Variants in CD300A observed in about 807,000 individuals in gnomAD.
CD300A encodes CMRF35-like molecule 8.
In CD300A, 22 loss-of-function variants were observed where a neutral mutation model predicts 33.6. That is an observed-to-expected ratio of 0.66 (90% CI 0.47 to 0.94). The LOEUF is 0.94. CD300A is among the 40% of genes least tolerant of loss of function. The probability of loss-of-function intolerance (pLI) is 0.00; values close to 1 mark genes in which losing one functional copy is unlikely to be tolerated. For missense variants in CD300A, 326 were observed against 360.5 expected (o/e 0.90, Z 0.77); for synonymous variants, 136 against 148.1 (o/e 0.92, Z 0.59).
chr17:74,475,698 A>G (rs1420872695), intron 3 of CD300A, among the ~76,000 whole-genome samples: 1 of 152,112 alleles, frequency 6.6e-6, no homozygotes, highest in Non-Finnish European at 1.5e-5. Context: ...CAGACCCCAC[A>G]GGTGAAGAGC....
At chr17:74,470,195 G>A (rs898040535) in intron 1 of CD300A, 21 of 985,276 alleles carry the variant, frequency 2.1e-5, no homozygotes, top group East Asian at 2.3e-4. Flanking sequence ...GAGAGAAAGC[G>A]CAGAAACACA....
At chr17:74,479,216 T>C (rs1282635848) in intron 4 of CD300A, among the ~76,000 whole-genome samples, 1 of 152,068 alleles carries the variant, frequency 6.6e-6, no homozygotes, top group Non-Finnish European at 1.5e-5. Context: ...TCTATGCCTA[T>C]GTAAATGCAT....
intron 5 of CD300A, 179 bp downstream of exon 5, chr17:74,481,505 C>T: frequency 1.5e-6 from 1 of 665,314 alleles, no homozygotes; most frequent in Non-Finnish European, 2.6e-6. Flanking sequence ...CCTGGCCAGC[C>T]TGTCCCCTCC....
intron 4 of CD300A, among the ~76,000 whole-genome samples, chr17:74,478,204 C>G (rs1290836604): frequency 2.0e-5 from 3 of 152,232 alleles, no homozygotes; most frequent in African/African-American, 7.2e-5. Flanking sequence ...CTCAGACTTT[C>G]TTTTCTCTGG....
rs1448536715 is a variant in CD300A at position 74,481,350 on chromosome 17, G to C, written c.666+24G>C. Reference sequence around the variant, plus strand: ...AGGTAAGGGGGCTTTAGCAGGAGGTGTATCAGGTGGCTGGGCGGAGGGTAC... The same window carrying C: ...AGGTAAGGGGGCTTTAGCAGGAGGTCTATCAGGTGGCTGGGCGGAGGGTAC... On this transcript the variant is annotated intron_variant, in intron 5 of 6. Transcript: ENST00000360141. The C allele has an allele frequency of 6.2e-6, 10 of 1,611,920 alleles. No individual in the cohort carries two copies. In the East Asian group the frequency reaches 2.0e-4, roughly 32 times the overall value.
rs1906343985 is a variant in CD300A at position 74,474,631 on chromosome 17, G to A, written c.479G>A (p.Gly160Asp). Residue 160 changes from glycine to aspartate, a missense_variant, in exon 3 of 7, where the codon GGT becomes GAT. Gly to Asp is a moderately conservative substitution (Grantham distance 94). Transcript: ENST00000360141. ...TCATCCACTACCCTGTTTGCAGTGG[G>A]TGCCACCCACAGTGCCAGCATCCAG... is the stretch of plus-strand genomic sequence containing the variant. ...PVSSTTLFAV[G>D]ATHSASIQEE... 1 of 1,613,996 alleles carries A rather than the reference G, an allele frequency of 6.2e-7. No homozygotes were observed. Among genetic ancestry groups the A allele is most frequent in the African/African-American group, 1.3e-5 (1 of 74,930 alleles).
chr17:74,474,394 A>C, intron 2 of CD300A, 138 bp from the exon 3 acceptor site: 1 of 816,260 alleles, frequency 1.2e-6, no homozygotes, highest in Admixed American at 2.3e-5. Flanking sequence ...GGTCCTGGAG[A>C]GACTCTAGCC....
At chr17:74,466,431 C>T (rs1555636455), upstream of CD300A, 1 of 544,242 alleles carries the variant, frequency 1.8e-6, no homozygotes, top group Non-Finnish European at 3.3e-6. Flanking sequence ...GGAGTCACTA[C>T]AGGGAGAGGT....
chr17:74,479,831 C>T (rs1043687375), intron 4 of CD300A, among the ~76,000 whole-genome samples: 4 of 151,914 alleles, frequency 2.6e-5, no homozygotes, highest in Admixed American at 6.6e-5. Flanking sequence ...TGCCTCATCA[C>T]ACCTACTCCC....
rs1210076635 is a variant in CD300A, at chr17:74,480,756, TTTC to T, written c.629-532_629-530del. Among the ~76,000 whole-genome samples the T allele has an allele frequency of 3.3e-5, 5 of 151,154 alleles. No homozygotes were observed. Among genetic ancestry groups the T allele is most frequent in the Non-Finnish European group, 3.0e-5 (2 of 67,668 alleles). ...TTTCTTTCCTTTCTTTCTTTCTTTT[TTTC>T]GTTTTTGAGACAGAGTCTTGCTCTG... On this transcript the variant is annotated intron_variant, in intron 4 of 6. Coordinates refer to ENST00000360141, the MANE Select transcript of CD300A (RefSeq NM_007261.4). The surrounding 1 kb of genome is among the most constrained non-coding windows in gnomAD (Gnocchi z 4.2).
chr17:74,468,115 A>G (rs954662742), intron 1 of CD300A, among the ~76,000 whole-genome samples: 2 of 151,722 alleles, frequency 1.3e-5, no homozygotes, highest in Non-Finnish European at 2.9e-5. Context: ...GCTCACTGCA[A>G]CCTACGCCTC....
Position 74,480,751 on chromosome 17 carries a change from C to CT in CD300A, c.629-531dup, listed in dbSNP as rs869244572. Reference sequence around the variant, plus strand: ...GGAGCTTTCTTTCCTTTCTTTCTTTCTTTTTTTCGTTTTTGAGACAGAGTC... The same window carrying CT: ...GGAGCTTTCTTTCCTTTCTTTCTTTCTTTTTTTTCGTTTTTGAGACAGAGTC... On this transcript the variant is annotated intron_variant, in intron 4 of 6. Coordinates refer to ENST00000360141, the MANE Select transcript of CD300A (RefSeq NM_007261.4). The surrounding 1 kb of genome is among the most constrained non-coding windows in gnomAD (Gnocchi z 4.2). 7.4e-6 allele frequency among the ~76,000 whole-genome samples: 1 copy of CT among 135,844 alleles called. No individual in the cohort carries two copies. The highest frequency in any genetic ancestry group is 1.6e-5 in the Non-Finnish European group (1 of 61,536). 89.1% of individuals were successfully genotyped at this position (135,844 alleles called of 152,430 possible).
chr17:74,467,559 C>T (rs1905807350), intron 1 of CD300A, among the ~76,000 whole-genome samples: 1 of 152,174 alleles, frequency 6.6e-6, no homozygotes, highest in African/African-American at 2.4e-5. Context: ...CCTGCTGTGC[C>T]TTCAGTCACG....
rs903908387 is a variant in CD300A, at chr17:74,473,571, G to T, written c.76G>T (p.Gly26Cys). ...FALSKCRTVA[G>C]PVGGSLSVQC... Reference sequence around the variant, plus strand: ...TCTGAGCAAATGCAGGACCGTGGCGGGCCCCGTGGGGGGATCCCTGAGTGT... The same window carrying T: ...TCTGAGCAAATGCAGGACCGTGGCGTGCCCCGTGGGGGGATCCCTGAGTGT... The change falls in exon 2 of 7, where the codon GGC (glycine) becomes TGC (cysteine). Residue 26 changes from glycine (G) to cysteine (C), a missense_variant. By Grantham distance (159) the Gly-to-Cys change is radical. Coordinates refer to ENST00000360141, the MANE Select transcript of CD300A (RefSeq NM_007261.4). 6.2e-7 allele frequency: 1 copy of T among 1,614,034 alleles called. No individual in the cohort carries two copies. Among genetic ancestry groups the T allele is most frequent in the Non-Finnish European group, 8.5e-7 (1 of 1,179,922 alleles).
chr17:74,483,935 C>T (rs1907086284), intron 6 of CD300A, 66 bp from the exon 7 acceptor site: 1 of 1,582,934 alleles, frequency 6.3e-7, no homozygotes, highest in African/African-American at 1.3e-5. Context: ...CTCCTCCATC[C>T]TATGTTGGGG....
intron 2 of CD300A, 74 bp downstream of exon 2, chr17:74,473,948 G>A (rs371366763): frequency 1.2e-5 from 18 of 1,516,456 alleles, no homozygotes; most frequent in Admixed American, 5.4e-5. Context: ...GATCAGAGAC[G>A]TGAAGCAGAC....
chr17:74,472,703 G>A (rs1418930192), intron 1 of CD300A, among the ~76,000 whole-genome samples: 1 of 151,536 alleles, frequency 6.6e-6, no homozygotes, highest in Non-Finnish European at 1.5e-5. Context: ...TCCGCCTCCA[G>A]GGTTGAAGCG....
intron 1 of CD300A, 52 bp downstream of exon 1, chr17:74,466,795 G>C (rs375821287): frequency 3.8e-6 from 6 of 1,559,278 alleles, no homozygotes; most frequent in East Asian, 4.8e-5. Context: ...AGGGTGCGAG[G>C]GGCAGGGCCG....
intron 1 of CD300A, among the ~76,000 whole-genome samples, chr17:74,467,257 A>G: frequency 6.7e-6 from 1 of 149,234 alleles, no homozygotes; most frequent in African/African-American, 2.5e-5. Flanking sequence ...CGGGGTGGGG[A>G]GCAGATCGAT....
Sources: gnomAD v4.1 joint callset for allele counts (sites outside exome capture counted in the v4.1 genomes callset) on GRCh38, gnomAD v4.1.1 for gene constraint, Gnocchi (gnomAD v3.1) non-coding constraint, MANE v1.5 for transcripts, NCBI Gene and HGNC (gene_info 2026-07-23, HGNC 2026-07-21) for gene names.